DLGAP1: variants seen among roughly 807,000 people sequenced by gnomAD.
DLGAP1 encodes the protein disks large-associated protein 1.
DLGAP1 carries 11 observed loss-of-function variants against 90.8 expected under a neutral mutation model. The ratio of observed to expected loss-of-function variants is 0.12; its 90% CI spans 0.08 to 0.20. The LOEUF is 0.20. DLGAP1 is among the 10% of genes least tolerant of loss of function. The probability of loss-of-function intolerance (pLI) is 1.00; values close to 1 mark genes in which losing one functional copy is unlikely to be tolerated. For missense variants in DLGAP1, 1,050 were observed against 1,333.8 expected (o/e 0.79, Z 3.31); for synonymous variants, 558 against 540.7 (o/e 1.03, Z -0.44).
rs556649319 is a variant in DLGAP1 at position 4,304,258 on chromosome 18, T to C, written c.-267+150748A>G. Among the ~76,000 whole-genome samples the C allele has an allele frequency of 4.0e-5, 6 of 151,892 alleles. No homozygotes were observed. The South Asian group carries it at 1.0e-3, about 26-fold the overall frequency. On this transcript the variant is annotated intron_variant, in intron 1 of 12. Coordinates refer to ENST00000315677, the MANE Select transcript of DLGAP1 (RefSeq NM_004746.4). Reference sequence around the variant, plus strand: ...AACAATGTGAATGTACTTAATACTATAGAATTGTACACTTTAAGATTGTTA... The same window carrying C: ...AACAATGTGAATGTACTTAATACTACAGAATTGTACACTTTAAGATTGTTA...
chr18:3,925,379 T>C (rs538934421), intron 3 of DLGAP1, among the ~76,000 whole-genome samples: 1 of 151,918 alleles, frequency 6.6e-6, no homozygotes, highest in Non-Finnish European at 1.5e-5. Flanking sequence ...TGGCCCCTGA[T>C]AGTAGTCTAC....
intron 1 of DLGAP1, among the ~76,000 whole-genome samples, chr18:4,405,817 C>T (rs2082650743): frequency 6.6e-6 from 1 of 152,166 alleles, no homozygotes; most frequent in African/African-American, 2.4e-5. Context: ...AATAGACTTG[C>T]TACCGGGGGA....
chr18:3,571,733 G>A (rs528513049), intron 8 of DLGAP1, among the ~76,000 whole-genome samples: 45 of 152,104 alleles, frequency 3.0e-4, no homozygotes, highest in African/African-American at 6.7e-4. Flanking sequence ...TCATCATGTT[G>A]GCCAGGATGG....
In DLGAP1 at chr18:3,948,585, T is replaced by G. The variant is rs535231469; in HGVS notation, c.-73+56531A>C. Among the ~76,000 whole-genome samples, 9 of 152,218 alleles carry G rather than the reference T, an allele frequency of 5.9e-5. No homozygotes were observed. In the South Asian group the frequency reaches 1.9e-3, roughly 32 times the overall value. On this transcript the variant is annotated intron_variant, in intron 3 of 12. Coordinates refer to ENST00000315677, the MANE Select transcript of DLGAP1 (RefSeq NM_004746.4). The stretch of plus-strand genomic sequence containing the variant: ...AAGTCTATTAGGAAGAAACAACACA[T>G]TCAGTAAGGAATAGTTAAAAATGAC...
At chr18:4,036,678 A>C (rs556232624) in intron 2 of DLGAP1, among the ~76,000 whole-genome samples, 9 of 152,300 alleles carry the variant, frequency 5.9e-5, no homozygotes, top group African/African-American at 2.2e-4. Context: ...TGCTCTTTTA[A>C]CAGAAAGTAT....
chr18:3,575,314 T>C (rs1421898567), intron 8 of DLGAP1, among the ~76,000 whole-genome samples: 1 of 152,222 alleles, frequency 6.6e-6, no homozygotes, highest in Admixed American at 6.5e-5. Flanking sequence ...AACTAAATTT[T>C]CTTTTATTTT....
chr18:3,529,183 G>C (rs189019466), intron 10 of DLGAP1, among the ~76,000 whole-genome samples: 15 of 152,354 alleles, frequency 9.8e-5, no homozygotes, highest in Non-Finnish European at 2.2e-4. Flanking sequence ...GGGGCCTATA[G>C]GAGGTGAGTT....
intron 1 of DLGAP1, among the ~76,000 whole-genome samples, chr18:4,327,281 A>G (rs957308660): frequency 6.6e-6 from 1 of 152,042 alleles, no homozygotes; most frequent in African/African-American, 2.4e-5. Flanking sequence ...TAATTTAATC[A>G]TTACACAAGG....
chr18:3,965,892 G>A (rs1199531105), intron 3 of DLGAP1, among the ~76,000 whole-genome samples: 2 of 143,480 alleles, frequency 1.4e-5, no homozygotes, highest in African/African-American at 5.2e-5. Flanking sequence ...AGGTTGCCGT[G>A]AGCCGAGATC....
chr18:4,375,196 C>T (rs551483245), intron 1 of DLGAP1, among the ~76,000 whole-genome samples: 13 of 152,074 alleles, frequency 8.5e-5, no homozygotes, highest in Non-Finnish European at 1.9e-4. Context: ...TGGTAGTTTT[C>T]ACCTAAGAGT....
chr18:3,970,822 C>T (rs2073433441), intron 3 of DLGAP1, among the ~76,000 whole-genome samples: 1 of 152,068 alleles, frequency 6.6e-6, no homozygotes, highest in South Asian at 2.1e-4. Context: ...AACTGAAATC[C>T]ACTTTAATAT....
intron 1 of DLGAP1, among the ~76,000 whole-genome samples, chr18:4,162,345 T>C (rs2076861163): frequency 6.6e-6 from 1 of 152,168 alleles, no homozygotes; most frequent in Non-Finnish European, 1.5e-5. Flanking sequence ...GGAGAGATGA[T>C]AAGATAGGGT....
At chr18:3,638,978 T>A (rs1450973034) in intron 7 of DLGAP1, among the ~76,000 whole-genome samples, 1 of 152,226 alleles carries the variant, frequency 6.6e-6, no homozygotes, top group Admixed American at 6.5e-5. Flanking sequence ...CCACACTTAG[T>A]GATAAATCCA....
At chr18:4,008,097 T>C (rs966587878) in intron 2 of DLGAP1, among the ~76,000 whole-genome samples, 4 of 152,136 alleles carry the variant, frequency 2.6e-5, no homozygotes, top group Non-Finnish European at 2.9e-5. Flanking sequence ...CTGGGATTTT[T>C]CCACTGAACT....
intron 7 of DLGAP1, among the ~76,000 whole-genome samples, chr18:3,703,664 T>TTTTTTG (rs1180236029): frequency 6.6e-6 from 1 of 152,198 alleles, no homozygotes; most frequent in African/African-American, 2.4e-5. Flanking sequence ...TTCTTTTTTG[T>TTTTTTG]TTTTTGTTTT....
intron 5 of DLGAP1, among the ~76,000 whole-genome samples, chr18:3,743,186 A>T: frequency 6.6e-6 from 1 of 152,118 alleles, no homozygotes; most frequent in East Asian, 1.9e-4. Flanking sequence ...TAGCCAAGCT[A>T]TACAGATGTG....
At chr18:3,803,019 T>G (rs2066384228) in intron 5 of DLGAP1, among the ~76,000 whole-genome samples, 1 of 152,186 alleles carries the variant, frequency 6.6e-6, no homozygotes, top group Admixed American at 6.5e-5. Context: ...ATTGGTAAAG[T>G]GGTAAATGTT....
intron 3 of DLGAP1, among the ~76,000 whole-genome samples, chr18:3,932,709 C>A (rs1434402266): frequency 6.6e-6 from 1 of 152,160 alleles, no homozygotes; most frequent in Non-Finnish European, 1.5e-5. Context: ...ATCACTTTCC[C>A]AGCCCTAAAT....
chr18:3,805,934 T>G (rs1390778184), intron 5 of DLGAP1, among the ~76,000 whole-genome samples: 1 of 152,232 alleles, frequency 6.6e-6, no homozygotes, highest in South Asian at 2.1e-4. Context: ...AATTTTGATC[T>G]CATTTCCTCC....
Sources: gnomAD v4.1 joint callset for allele counts (sites outside exome capture counted in the v4.1 genomes callset) on GRCh38, gnomAD v4.1.1 for gene constraint, MANE v1.5 for transcripts, NCBI Gene and HGNC (gene_info 2026-07-23, HGNC 2026-07-21) for gene names.